The following PDE11A variants were observed in gnomAD, a reference collection of about 807,000 sequenced individuals.
PDE11A encodes phosphodiesterase 11A.
PDE11A carries 100 observed loss-of-function variants against 100.5 expected under a neutral mutation model. That is an observed-to-expected ratio of 1.00 (90% CI 0.85 to 1.18). The LOEUF (loss-of-function observed/expected upper bound fraction) is 1.18. Ranked by LOEUF, PDE11A falls within the 50% of genes most tolerant of loss-of-function variation. The pLI is 0.00. For synonymous variants in PDE11A, 381 were observed against 420.8 expected, an observed-to-expected ratio of 0.91 and a Z score of 1.16; for missense variants, 1,141 against 1,152.6, an observed-to-expected ratio of 0.99 and a Z score of 0.15.
chr2:177,683,308 T>C (rs375345263), intron 15 of PDE11A: 1 of 152,322 alleles, frequency 6.6e-6, no homozygotes, highest in Non-Finnish European at 1.5e-5. Context: ...ACTGGCGAGA[T>C]GGCATAACCC....
chr2:177,878,333 C>A (rs1396626327), intron 4 of PDE11A, among the ~76,000 whole-genome samples: 1 of 152,198 alleles, frequency 6.6e-6, no homozygotes, highest in Non-Finnish European at 1.5e-5. Flanking sequence ...TACGTCCTCT[C>A]TCCTTAAATC....
chr2:177,635,612 C>A (rs1527399), intron 19 of PDE11A, among the ~76,000 whole-genome samples: 4 of 152,068 alleles, frequency 2.6e-5, no homozygotes, highest in Non-Finnish European at 4.4e-5. Flanking sequence ...GGATACAAAA[C>A]GGTACAAAGG....
chr2:178,019,821 T>A (rs1266558608), intron 1 of PDE11A, among the ~76,000 whole-genome samples: 7 of 152,174 alleles, frequency 4.6e-5, no homozygotes, highest in Non-Finnish European at 8.8e-5. Context: ...TGAGAAACCG[T>A]GGACGGAAGT....
Position 177,963,934 on chromosome 2 carries a change from T to C in PDE11A, c.1071+50368A>G, listed in dbSNP as rs929190581. Among the ~76,000 whole-genome samples, 5 of 152,150 alleles carry C rather than the reference T, an allele frequency of 3.3e-5. 1 individual carries two copies. The highest frequency in any genetic ancestry group is 6.5e-5 in the Admixed American group (1 of 15,272). On this transcript the variant is annotated intron_variant, in intron 2 of 19. Coordinates refer to ENST00000286063, the MANE Select transcript of PDE11A (RefSeq NM_016953.4). ...TGGCATGCCCTCCACTGAACTGTCA[T>C]CGTGAGTGGATTCTGCAAGGGAGGC...
intron 5 of PDE11A, among the ~76,000 whole-genome samples, chr2:177,869,070 C>T (rs1302835714): frequency 6.6e-6 from 1 of 152,234 alleles, no homozygotes; most frequent in Non-Finnish European, 1.5e-5. Flanking sequence ...TGCATGAGTG[C>T]ACACACAAAA....
intron 7 of PDE11A, among the ~76,000 whole-genome samples, 189 bp downstream of exon 7, chr2:177,820,031 T>G (rs1489306458): frequency 1.3e-5 from 2 of 151,938 alleles, no homozygotes; most frequent in Non-Finnish European, 2.9e-5. Flanking sequence ...TTAATACATA[T>G]TTGTTCAAGT....
chr2:177,968,796 A>C (rs1170596870), intron 2 of PDE11A, among the ~76,000 whole-genome samples: 1 of 152,242 alleles, frequency 6.6e-6, no homozygotes, highest in East Asian at 1.9e-4. Context: ...ATGGAGAAAC[A>C]GGAACACTTG....
At chr2:177,718,838 C>T (rs2081482615) in intron 12 of PDE11A, among the ~76,000 whole-genome samples, 1 of 152,196 alleles carries the variant, frequency 6.6e-6, no homozygotes, top group South Asian at 2.1e-4. Flanking sequence ...GCCCACACTT[C>T]ATCAAACTGT....
chr2:177,946,001 A>G (rs1163683696), intron 2 of PDE11A, among the ~76,000 whole-genome samples: 11 of 117,246 alleles, frequency 9.4e-5, no homozygotes, highest in South Asian at 3.2e-4. Flanking sequence ...CAGGAGGGAG[A>G]TGGGGGGTCA....
rs770309011 is a variant in PDE11A, at chr2:177,817,880, T to A, written c.1622A>T (p.Asp541Val). 13 of 1,537,584 alleles carry A rather than the reference T, an allele frequency of 8.5e-6. No homozygotes were observed. The highest frequency in any genetic ancestry group is 1.7e-5 in the Admixed American group (1 of 59,898). ...TACCTCAAAAAGTCGTTGATCTGCA[T>A]CATCAAAAGGTTTCCCATCAAGTCT... ...LNRLDGKPFD[D>V]ADQRLFEAFV... The change falls in exon 8 of 20, where the codon GAT (aspartate) becomes GTT (valine). Residue 541 changes from aspartate to valine, a missense_variant. Coordinates refer to ENST00000286063, the MANE Select transcript of PDE11A (RefSeq NM_016953.4).
At chr2:177,697,913 G>A (rs1353513687) in intron 14 of PDE11A, among the ~76,000 whole-genome samples, 2 of 152,210 alleles carry the variant, frequency 1.3e-5, no homozygotes, top group Admixed American at 6.5e-5. Flanking sequence ...GTGGTTCTCA[G>A]CTGGGGGCCG....
At chr2:177,873,438 C>T (rs2084177050) in intron 5 of PDE11A, among the ~76,000 whole-genome samples, 1 of 151,920 alleles carries the variant, frequency 6.6e-6, no homozygotes, top group African/African-American at 2.4e-5. Flanking sequence ...TATAGATTAG[C>T]TGGCATTAAA....
intron 2 of PDE11A, among the ~76,000 whole-genome samples, chr2:177,994,866 A>G (rs964680142): frequency 2.6e-5 from 4 of 152,144 alleles, no homozygotes; most frequent in Non-Finnish European, 5.9e-5. Flanking sequence ...ATTTACATTT[A>G]AACAAGGTGA....
intron 1 of PDE11A, among the ~76,000 whole-genome samples, chr2:178,053,115 A>G (rs1013828480): frequency 6.6e-6 from 1 of 152,244 alleles, no homozygotes; most frequent in Admixed American, 6.5e-5. Flanking sequence ...AAAATCCTCA[A>G]TAAAATACTG....
intron 15 of PDE11A, among the ~76,000 whole-genome samples, chr2:177,682,112 C>T (rs565237329): frequency 1.3e-5 from 2 of 152,260 alleles, no homozygotes; most frequent in East Asian, 3.9e-4. Flanking sequence ...ATAACAAAAA[C>T]ATTGGTCTCC....
intron 15 of PDE11A, chr2:177,687,166 G>A (rs982492964): frequency 3.3e-5 from 5 of 152,118 alleles, no homozygotes; most frequent in South Asian, 2.1e-4. Flanking sequence ...TTTAATAAAC[G>A]TAAAAGGTAT....
chr2:177,818,028 A>G (rs2083072493), intron 7 of PDE11A, 103 bp from the exon 8 acceptor site: 3 of 710,850 alleles, frequency 4.2e-6, no homozygotes, highest in African/African-American at 1.8e-5. Flanking sequence ...AAGGAACTGC[A>G]CTCAGTTTAA....
rs578096067 is a variant in PDE11A at position 177,693,769 on chromosome 2, A to G, written c.2345+3563T>C. 2.4e-4 allele frequency among the ~76,000 whole-genome samples: 37 copies of G among 152,360 alleles called. 1 individual carries two copies. The South Asian group carries it at 3.3e-3, about 14-fold the overall frequency. On this transcript the variant is annotated intron_variant, in intron 15 of 19. Transcript: ENST00000286063. ...GGAGGTGTGGGTTCCAGTTTTACCAATAATGAGTTATGTGACCTAAGCTAC... is the reference window on the plus strand; with the variant it reads ...GGAGGTGTGGGTTCCAGTTTTACCAGTAATGAGTTATGTGACCTAAGCTAC...
At chr2:177,977,844 A>G (rs1242329443) in intron 2 of PDE11A, among the ~76,000 whole-genome samples, 2 of 121,954 alleles carry the variant, frequency 1.6e-5, no homozygotes, top group African/African-American at 6.2e-5. Flanking sequence ...CTATTTAATA[A>G]ATGGTGCTGG....
Sources: allele counts gnomAD v4.1 joint callset (sites outside exome capture counted in the v4.1 genomes callset), GRCh38; gene constraint gnomAD v4.1.1; transcripts MANE v1.5; gene names NCBI Gene and HGNC (gene_info 2026-07-23, HGNC 2026-07-21).